Variants in MYT1L observed in about 807,000 individuals in gnomAD.
MYT1L encodes the protein myelin transcription factor 1-like protein.
In MYT1L, 12 loss-of-function variants were observed where a neutral mutation model predicts 126.7. The ratio of observed to expected loss-of-function variants is 0.09; its 90% CI spans 0.06 to 0.15. The LOEUF is 0.15. Among genes scored for constraint, MYT1L ranks in the 10% least tolerant of loss-of-function variants. MYT1L has a pLI of 1.00. For synonymous variants in MYT1L, 541 were observed against 604.2 expected (o/e 0.90, Z 1.53); for missense variants, 979 against 1,585.2 (o/e 0.62, Z 6.49).
intron 3 of MYT1L, among the ~76,000 whole-genome samples, chr2:2,091,381 T>C (rs1477577199): frequency 6.6e-6 from 1 of 152,202 alleles, no homozygotes; most frequent in Non-Finnish European, 1.5e-5. Context: ...ATCTTTTTTT[T>C]CTGAGCAGTA....
At position 1,899,086 on chromosome 2, in the gene MYT1L, T is replaced by C. The variant is rs554419277; in HGVS notation, c.2032+3994A>G. ...TTGGGGGCTGGTAACCTGACAGGATTAGGCCCCCAAGGGTGGGGTGTGTTG... is the reference window on the plus strand; with the variant it reads ...TTGGGGGCTGGTAACCTGACAGGATCAGGCCCCCAAGGGTGGGGTGTGTTG... On this transcript the variant is annotated intron_variant, in intron 14 of 24. Transcript: ENST00000647738. Among the ~76,000 whole-genome samples, 49 of 152,194 alleles carry C rather than the reference T, an allele frequency of 3.2e-4. 1 individual carries two copies. The South Asian group carries it at 1.0e-2, about 31-fold the overall frequency.
chr2:1,913,152 C>G (rs1183964873), intron 11 of MYT1L, among the ~76,000 whole-genome samples: 1 of 152,216 alleles, frequency 6.6e-6, no homozygotes, highest in Admixed American at 6.5e-5. Flanking sequence ...CAACCTCTCT[C>G]TTTCCCCTGC....
chr2:2,027,816 GT>G (rs2065808235), intron 4 of MYT1L, among the ~76,000 whole-genome samples: 1 of 69,752 alleles, frequency 1.4e-5, no homozygotes, highest in South Asian at 4.7e-4. Context: ...CTGGCTTGAT[GT>G]GGCGTGGCCC....
rs114818413 is a variant in MYT1L at position 1,926,382 on chromosome 2, C to T, written c.506-3119G>A. Reference sequence around the variant, plus strand: ...TTTTGGGATTCCCTCCCTGGTTGTACACACTCCCTTCCAGGTATGCTTTTC... The same window carrying T: ...TTTTGGGATTCCCTCCCTGGTTGTATACACTCCCTTCCAGGTATGCTTTTC... On this transcript the variant is annotated intron_variant, in intron 9 of 24. Coordinates refer to ENST00000647738, the MANE Select transcript of MYT1L (RefSeq NM_001303052.2). Among the ~76,000 whole-genome samples, 281 of 152,216 alleles carry T rather than the reference C, an allele frequency of 1.8e-3. 3 individuals carry two copies. The highest frequency in any genetic ancestry group is 2.8e-3 in the African/African-American group (115 of 41,540).
intron 19 of MYT1L, 54 bp downstream of exon 19, chr2:1,851,587 T>G: frequency 3.9e-6 from 6 of 1,545,224 alleles, no homozygotes; most frequent in Non-Finnish European, 5.4e-6. Flanking sequence ...GTGATATTCC[T>G]GCCATTTCAG....
In MYT1L at chr2:2,107,069, GA is replaced by G. The variant is rs773175012; in HGVS notation, c.-303-52947del. ...CATCTGTCTCCCACAGCTGTTGCAC[GA>G]GTATGTCATATTGTACAATGCTTAC... On this transcript the variant is annotated intron_variant, in intron 3 of 24. Coordinates refer to ENST00000647738, the MANE Select transcript of MYT1L (RefSeq NM_001303052.2). Among the ~76,000 whole-genome samples, 3 of 152,176 alleles carry G rather than the reference GA, an allele frequency of 2.0e-5. No individual in the cohort carries two copies. In the South Asian group the frequency reaches 6.2e-4, roughly 32 times the overall value.
chr2:1,875,771 T>C (rs2046830769), intron 18 of MYT1L, among the ~76,000 whole-genome samples: 1 of 152,198 alleles, frequency 6.6e-6, no homozygotes, highest in African/African-American at 2.4e-5. Context: ...TTTCTTGACC[T>C]AGTGATGCCA....
chr2:2,076,095 G>A (rs2075194163), intron 3 of MYT1L, among the ~76,000 whole-genome samples: 1 of 152,204 alleles, frequency 6.6e-6, no homozygotes, highest in Admixed American at 6.5e-5. Flanking sequence ...ACTGCTGGCA[G>A]CATCCCAGCT....
rs532236508 is a variant in MYT1L, at chr2:1,959,665, C to T, written c.153-16331G>A. ...TACCTGCAGAGAATGGAGCTATGCC[C>T]CCGCTCCATCCCTCTGCCCCTCACA... is the stretch of plus-strand genomic sequence containing the variant. On this transcript the variant is annotated intron_variant, in intron 8 of 24. Transcript: ENST00000647738. 4.6e-5 allele frequency among the ~76,000 whole-genome samples: 7 copies of T among 152,280 alleles called. No homozygotes were observed. The South Asian group carries it at 1.4e-3, about 32-fold the overall frequency.
chr2:1,991,317 CTTTTT>C (rs2149567692), intron 5 of MYT1L, among the ~76,000 whole-genome samples: 1 of 152,236 alleles, frequency 6.6e-6, no homozygotes, highest in South Asian at 2.1e-4. Context: ...TTTTTCTTTT[CTTTTT>C]GGAGACTCTG....
intron 3 of MYT1L, among the ~76,000 whole-genome samples, chr2:2,164,113 A>G (rs879741181): frequency 2.0e-5 from 3 of 152,196 alleles, no homozygotes; most frequent in Non-Finnish European, 2.9e-5. Flanking sequence ...GCTCTTTTTA[A>G]TGAACTTGGC....
intron 8 of MYT1L, among the ~76,000 whole-genome samples, chr2:1,976,625 G>C (rs1483805783): frequency 6.6e-6 from 1 of 152,196 alleles, no homozygotes; most frequent in African/African-American, 2.4e-5. Flanking sequence ...CTGGGCAACA[G>C]AGTGAGACTC....
chr2:2,289,698 G>A (rs927443821), intron 1 of MYT1L, among the ~76,000 whole-genome samples: 1 of 152,218 alleles, frequency 6.6e-6, no homozygotes, highest in African/African-American at 2.4e-5. Context: ...AACAGGCTAT[G>A]TGGACTAGAA....
At chr2:2,119,055 C>T (rs573961821) in intron 3 of MYT1L, among the ~76,000 whole-genome samples, 5 of 152,366 alleles carry the variant, frequency 3.3e-5, no homozygotes, top group African/African-American at 7.2e-5. Flanking sequence ...TTTGAAGATA[C>T]AGAATATCTC....
At chr2:1,906,628 A>G (rs1198138845) in intron 13 of MYT1L, among the ~76,000 whole-genome samples, 1 of 152,148 alleles carries the variant, frequency 6.6e-6, no homozygotes, top group East Asian at 1.9e-4. Context: ...TTACCAAATC[A>G]CCAATACATG....
chr2:2,301,815 CCTGT>C (rs1450855095), intron 1 of MYT1L, among the ~76,000 whole-genome samples: 2 of 148,354 alleles, frequency 1.3e-5, no homozygotes, highest in African/African-American at 5.0e-5. Flanking sequence ...CAACAGAGAC[CCTGT>C]CTGTCTAAAA....
Position 1,801,218 on chromosome 2 carries a change from C to G in MYT1L, c.3276+478G>C. 6.5e-6 allele frequency: 1 copy of G among 154,762 alleles called. No individual in the cohort carries two copies. Among genetic ancestry groups the G allele is most frequent in the Non-Finnish European group, 1.4e-5 (1 of 69,958 alleles). 9.6% of individuals were successfully genotyped at this position (154,762 alleles called of 1,614,324 possible). On this transcript the variant is annotated intron_variant, in intron 23 of 24. Coordinates refer to ENST00000647738, the MANE Select transcript of MYT1L (RefSeq NM_001303052.2). The surrounding 1 kb of genome is among the most constrained non-coding windows in gnomAD (Gnocchi z 4.2). ...AGCTGCTCTGCCAGCTGCCACTGCT[C>G]TCTCTCCATCCCCAGGCTCTGCAGC...
rs528530098 is a variant in MYT1L at position 1,923,178 on chromosome 2, G to A, written c.591C>T (p.Tyr197=). 2.8e-5 allele frequency: 45 copies of A among 1,613,770 alleles called. No individual in the cohort carries two copies. Among genetic ancestry groups the A allele is most frequent in the Non-Finnish European group, 3.4e-5 (40 of 1,179,844 alleles). Residue 197 remains tyrosine, a synonymous_variant, in exon 10 of 25, where the codon TAC becomes TAT. Coordinates refer to ENST00000647738, the MANE Select transcript of MYT1L (RefSeq NM_001303052.2). ...DDNNNDEYDN[Y]DELVAKSLLN... Reference sequence around the variant, plus strand: ...ACAATGACTTGGCCACCAGTTCATCGTAATTGTCATATTCGTCATTATTGT... The same window carrying A: ...ACAATGACTTGGCCACCAGTTCATCATAATTGTCATATTCGTCATTATTGT...
At chr2:2,166,872 T>C (rs765483317) in intron 3 of MYT1L, among the ~76,000 whole-genome samples, 1 of 152,202 alleles carries the variant, frequency 6.6e-6, no homozygotes, top group Non-Finnish European at 1.5e-5. Context: ...TGCGAAGTCA[T>C]AGTTTTGCTT....
Sources: allele counts gnomAD v4.1 joint callset (sites outside exome capture counted in the v4.1 genomes callset), GRCh38; gene constraint gnomAD v4.1.1; non-coding constraint Gnocchi (gnomAD v3.1); transcripts MANE v1.5; gene names NCBI Gene and HGNC (gene_info 2026-07-23, HGNC 2026-07-21).